The following RBPJ variants were observed in gnomAD, a reference collection of about 807,000 sequenced individuals.
RBPJ encodes recombination signal binding protein for immunoglobulin kappa J region, also known as recombining binding protein suppressor of hairless.
Under a neutral mutation model 67.8 loss-of-function variants are expected in RBPJ, and 9 were observed. The observed-to-expected ratio is 0.13, with a 90% CI of 0.08 to 0.23. RBPJ has a LOEUF of 0.23. Among genes scored for constraint, RBPJ ranks in the 10% least tolerant of loss-of-function variants. RBPJ has a pLI of 1.00. For synonymous variants in RBPJ, 198 were observed against 203.3 expected (o/e 0.97, Z 0.22); for missense variants, 305 against 595.6 (o/e 0.51, Z 5.08).
At chr4:26,255,565 G>A (rs2109243066) in intron 1 of RBPJ, among the ~76,000 whole-genome samples, 1 of 151,206 alleles carries the variant, frequency 6.6e-6, no homozygotes, top group East Asian at 2.0e-4. Context: ...CACTTTGGGA[G>A]GCCAAGGCGG....
intron 1 of RBPJ, among the ~76,000 whole-genome samples, chr4:26,233,953 A>G (rs73812108): frequency 0.061 from 9,241 of 152,288 alleles, 835 homozygotes; most frequent in African/African-American, 0.2. Flanking sequence ...AAAAAATGTC[A>G]GAGCTCATTG....
the RBPJ span, among the ~76,000 whole-genome samples, chr4:26,133,517 T>C: frequency 6.6e-6 from 1 of 152,208 alleles, no homozygotes; most frequent in East Asian, 1.9e-4. Context: ...ATATGGTCCA[T>C]GGCCTGTTAG....
intron 2 of RBPJ, among the ~76,000 whole-genome samples, chr4:26,402,739 G>C (rs144623524): frequency 1.3e-5 from 2 of 152,166 alleles, no homozygotes; most frequent in South Asian, 4.1e-4. Flanking sequence ...ATGTGTTTTT[G>C]TTCTGGGAGA....
chr4:26,428,959 A>G (rs1735948594), intron 8 of RBPJ, 99 bp downstream of exon 8: 2 of 871,298 alleles, frequency 2.3e-6, no homozygotes, highest in Non-Finnish European at 3.7e-6. Context: ...ATTATATACA[A>G]ATACATGAAG....
chr4:26,244,357 A>G (rs1560226346), intron 1 of RBPJ, among the ~76,000 whole-genome samples: 27 of 133,132 alleles, frequency 2.0e-4, no homozygotes, highest in South Asian at 4.7e-4. Flanking sequence ...GTGTATATAT[A>G]TGTATGCACA....
chr4:26,335,498 T>C (rs1724718910), intron 1 of RBPJ, among the ~76,000 whole-genome samples: 1 of 151,720 alleles, frequency 6.6e-6, no homozygotes, highest in Non-Finnish European at 1.5e-5. Context: ...TTATTTCTTA[T>C]CAGATATTCT....
chr4:26,310,664 AC>A (rs1722396134), intron 1 of RBPJ, among the ~76,000 whole-genome samples: 1 of 133,830 alleles, frequency 7.5e-6, no homozygotes, highest in Non-Finnish European at 1.5e-5. Flanking sequence ...GCCTGTTTTA[AC>A]TTTTTTTTTT....
intron 1 of RBPJ, among the ~76,000 whole-genome samples, chr4:26,218,055 G>T (rs900032513): frequency 5.9e-5 from 9 of 152,070 alleles, no homozygotes; most frequent in African/African-American, 2.2e-4. Flanking sequence ...GATTTTCCAC[G>T]AGCCCCGCAC....
chr4:26,381,732 A>AG (rs1392806943), intron 1 of RBPJ, among the ~76,000 whole-genome samples: 1 of 152,196 alleles, frequency 6.6e-6, no homozygotes, highest in African/African-American at 2.4e-5. Flanking sequence ...ACATAGAGCA[A>AG]GAAGGAAAGG....
chr4:26,375,043 A>G (rs934627986), intron 1 of RBPJ, among the ~76,000 whole-genome samples: 1 of 151,728 alleles, frequency 6.6e-6, no homozygotes, highest in African/African-American at 2.4e-5. Context: ...TGGCTCATGC[A>G]TGTAATCCCA....
At chr4:26,367,057 G>A (rs566199355) in intron 1 of RBPJ, among the ~76,000 whole-genome samples, 2 of 152,192 alleles carry the variant, frequency 1.3e-5, no homozygotes, top group South Asian at 4.2e-4. Flanking sequence ...CTTGGAGGTG[G>A]AGGTTGCAGT....
intron 1 of RBPJ, among the ~76,000 whole-genome samples, chr4:26,221,834 A>T (rs938829410): frequency 6.6e-6 from 1 of 152,198 alleles, no homozygotes; most frequent in African/African-American, 2.4e-5. Context: ...ATAAAGATAA[A>T]TACTTAAGGC....
At chr4:26,372,718 C>T (rs538081403) in intron 1 of RBPJ, among the ~76,000 whole-genome samples, 1 of 152,274 alleles carries the variant, frequency 6.6e-6, no homozygotes, top group Non-Finnish European at 1.5e-5. Context: ...GGTGATCTGG[C>T]CAGTCTCAAT....
chr4:26,227,691 C>T (rs1719124365), intron 1 of RBPJ, among the ~76,000 whole-genome samples: 1 of 152,186 alleles, frequency 6.6e-6, no homozygotes, highest in Non-Finnish European at 1.5e-5. Context: ...TATCCACCTC[C>T]TTTGGAGAAC....
At chr4:26,405,312 A>G (rs531351538) in intron 2 of RBPJ, among the ~76,000 whole-genome samples, 11 of 152,300 alleles carry the variant, frequency 7.2e-5, no homozygotes, top group African/African-American at 1.7e-4. Flanking sequence ...ATTTGTCTTT[A>G]TAGTATCAGG....
chr4:26,362,498 A>C, intron 1 of RBPJ: 4 of 1,528,468 alleles, frequency 2.6e-6, no homozygotes, highest in Non-Finnish European at 3.5e-6. Context: ...GTTCTTCGGA[A>C]CCATTATGAT....
At chr4:26,360,890 G>T (rs1345147078) in intron 1 of RBPJ, among the ~76,000 whole-genome samples, 1 of 151,212 alleles carries the variant, frequency 6.6e-6, no homozygotes, top group Non-Finnish European at 1.5e-5. Context: ...GATTATAGGC[G>T]TGAGCCACCG....
At chr4:26,299,372 A>G (rs1351840778) in intron 1 of RBPJ, among the ~76,000 whole-genome samples, 1 of 152,008 alleles carries the variant, frequency 6.6e-6, no homozygotes, top group Non-Finnish European at 1.5e-5. Flanking sequence ...GTAGATCTGT[A>G]GCCACTGATA....
the RBPJ span, among the ~76,000 whole-genome samples, chr4:26,115,415 C>T: frequency 1.3e-5 from 2 of 151,680 alleles, no homozygotes; most frequent in Non-Finnish European, 2.9e-5. Flanking sequence ...GACGGAGTCT[C>T]GCTCTGCAGC....
Sources: gnomAD v4.1 joint callset for allele counts (sites outside exome capture counted in the v4.1 genomes callset) on GRCh38, gnomAD v4.1.1 for gene constraint, MANE v1.5 for transcripts, NCBI Gene and HGNC (gene_info 2026-07-23, HGNC 2026-07-21) for gene names.